STX18: variants seen among roughly 807,000 people sequenced by gnomAD.
STX18 encodes the protein syntaxin-18.
STX18 carries 40 observed loss-of-function variants against 50.1 expected under a neutral mutation model. That is an observed-to-expected ratio of 0.80 (90% CI 0.62 to 1.04). STX18 has a LOEUF of 1.04. Ranked by LOEUF, STX18 falls within the 50% of genes least tolerant of loss-of-function variation. The pLI is 0.00. For missense variants in STX18, 410 were observed against 415.8 expected (o/e 0.99, Z 0.12); for synonymous variants, 158 against 151.8 (o/e 1.04, Z -0.30).
chr4:4,516,916 A>G (rs1221806851), intron 1 of STX18, among the ~76,000 whole-genome samples: 1 of 152,212 alleles, frequency 6.6e-6, no homozygotes, highest in Non-Finnish European at 1.5e-5. Flanking sequence ...CCTTCAGTGT[A>G]GTACCTATCT....
chr4:4,522,672 C>G (rs914760712), intron 1 of STX18, among the ~76,000 whole-genome samples: 1 of 151,856 alleles, frequency 6.6e-6, no homozygotes, highest in Admixed American at 6.6e-5. Flanking sequence ...AAGCTGTATG[C>G]TATAAAGTAT....
intron 1 of STX18, among the ~76,000 whole-genome samples, chr4:4,474,111 G>A (rs563907949): frequency 6.6e-6 from 1 of 152,044 alleles, no homozygotes; most frequent in Admixed American, 6.6e-5. Flanking sequence ...TCTCTCCCAG[G>A]CAAATTCTTC....
At chr4:4,472,206 C>T (rs1189454737) in intron 1 of STX18, among the ~76,000 whole-genome samples, 6 of 152,138 alleles carry the variant, frequency 3.9e-5, no homozygotes, top group Admixed American at 3.9e-4. Context: ...TTCCTATGGG[C>T]TATTTCCATG....
At chr4:4,471,135 A>G (rs761602236) in intron 2 of STX18, among the ~76,000 whole-genome samples, 1 of 152,124 alleles carries the variant, frequency 6.6e-6, no homozygotes, top group Non-Finnish European at 1.5e-5. Flanking sequence ...AAAAGAAGAA[A>G]ATGGCCATCA....
chr4:4,443,317 G>A (rs886506331), intron 5 of STX18, among the ~76,000 whole-genome samples: 2 of 152,230 alleles, frequency 1.3e-5, no homozygotes, highest in Non-Finnish European at 2.9e-5. Context: ...GCAGTACTAT[G>A]GAGCTGTAAA....
At chr4:4,520,731 GA>G (rs532117699) in intron 1 of STX18, among the ~76,000 whole-genome samples, 17 of 149,626 alleles carry the variant, frequency 1.1e-4, no homozygotes, top group African/African-American at 3.7e-4. Flanking sequence ...AATCTGCAGA[GA>G]AAAAAAAACA....
chr4:4,423,282 A>AT, intron 9 of STX18, among the ~76,000 whole-genome samples: 1 of 152,256 alleles, frequency 6.6e-6, no homozygotes. Context: ...GTGCTACCAC[A>AT]TGGGGTGGTC....
chr4:4,486,231 C>T lies in STX18; in HGVS notation c.169-14525G>A, dbSNP rs1378977625. Among the ~76,000 whole-genome samples the T allele has an allele frequency of 3.9e-5, 6 of 152,312 alleles. No homozygotes were observed. The East Asian group carries it at 1.2e-3, about 29-fold the overall frequency. The stretch of plus-strand genomic sequence containing the variant: ...CAGTTTCTTTCTACTTTTATGCTTT[C>T]CAAAGCTTCCAAAATCATTCTAAGG... On this transcript the variant is annotated intron_variant, in intron 1 of 10. Transcript: ENST00000306200.
intron 1 of STX18, among the ~76,000 whole-genome samples, chr4:4,498,215 G>T (rs1729272537): frequency 6.6e-6 from 1 of 152,112 alleles, no homozygotes; most frequent in Non-Finnish European, 1.5e-5. Context: ...TAAAGTTGAG[G>T]GCTTTTTTTC....
chr4:4,502,570 T>A (rs565028238), intron 1 of STX18, among the ~76,000 whole-genome samples: 97 of 152,206 alleles, frequency 6.4e-4, no homozygotes, highest in African/African-American at 2.2e-3. Flanking sequence ...GTATTCATTA[T>A]CAGTGAAAAA....
At chr4:4,534,859 T>C (rs1378225119) in intron 1 of STX18, among the ~76,000 whole-genome samples, 1 of 152,280 alleles carries the variant, frequency 6.6e-6, no homozygotes, top group African/African-American at 2.4e-5. Flanking sequence ...GAAAATGACA[T>C]ATTCCAATAA....
At chr4:4,425,088 C>T in intron 8 of STX18, 76 bp downstream of exon 8, 1 of 1,387,962 alleles carries the variant, frequency 7.2e-7, no homozygotes, top group Non-Finnish European at 1.0e-6. Context: ...GCCTGGGCAC[C>T]AAGGTAAATA....
intron 1 of STX18, among the ~76,000 whole-genome samples, chr4:4,511,713 AGTGT>A (rs3038434): frequency 0.085 from 11,612 of 137,296 alleles, 604 homozygotes; most frequent in East Asian, 0.22. Flanking sequence ...ACTCATGATT[AGTGT>A]GTGTGTGTGT....
intron 1 of STX18, among the ~76,000 whole-genome samples, chr4:4,485,293 T>C (rs997112269): frequency 3.9e-5 from 6 of 152,258 alleles, no homozygotes; most frequent in African/African-American, 1.4e-4. Flanking sequence ...GGTGCTCAAC[T>C]ACTCTAAGTT....
intron 2 of STX18, among the ~76,000 whole-genome samples, chr4:4,464,469 G>A (rs922193213): frequency 6.6e-6 from 1 of 152,164 alleles, no homozygotes; most frequent in African/African-American, 2.4e-5. Flanking sequence ...CAGGACAGAC[G>A]CTGTCTGCAG....
At chr4:4,434,411 T>C (rs1397497814) in intron 7 of STX18, among the ~76,000 whole-genome samples, 1 of 152,218 alleles carries the variant, frequency 6.6e-6, no homozygotes, top group Non-Finnish European at 1.5e-5. Flanking sequence ...TATCTTACTT[T>C]TTTCACATTA....
chr4:4,421,981 C>CT (rs1724991854), intron 9 of STX18, among the ~76,000 whole-genome samples: 1 of 152,096 alleles, frequency 6.6e-6, no homozygotes, highest in African/African-American at 2.4e-5. Context: ...TTCTCTCCTC[C>CT]TTTCGGTGGT....
intron 1 of STX18, among the ~76,000 whole-genome samples, chr4:4,477,688 T>C (rs1728257078): frequency 6.6e-6 from 1 of 152,208 alleles, no homozygotes; most frequent in African/African-American, 2.4e-5. Context: ...AGTTCTTAAC[T>C]GCCAAATTTA....
chr4:4,527,783 T>C (rs956608368), intron 1 of STX18, among the ~76,000 whole-genome samples: 15 of 146,810 alleles, frequency 1.0e-4, no homozygotes, highest in African/African-American at 3.0e-4. Context: ...ATTATATATA[T>C]ATAATTTTAT....
Sources: allele counts gnomAD v4.1 joint callset (sites outside exome capture counted in the v4.1 genomes callset), GRCh38; gene constraint gnomAD v4.1.1; transcripts MANE v1.5; gene names NCBI Gene and HGNC (gene_info 2026-07-23, HGNC 2026-07-21).